SHC3: variants seen among roughly 807,000 people sequenced by gnomAD.
SHC3 encodes the protein SHC adaptor protein 3, also known as SHC-transforming protein 3.
Under a neutral mutation model 60.4 loss-of-function variants are expected in SHC3, and 15 were observed. That is an observed-to-expected ratio of 0.25 (90% confidence interval 0.17 to 0.38). The LOEUF (loss-of-function observed/expected upper bound fraction) is 0.38, where lower values mean the gene tolerates loss of function less well. Among genes scored for constraint, SHC3 ranks in the 10% least tolerant of loss-of-function variants. The probability of loss-of-function intolerance (pLI) is 1.00; values close to 1 mark genes in which losing one functional copy is unlikely to be tolerated. For synonymous variants in SHC3, 294 were observed against 325.9 expected (o/e 0.90, Z 1.05); for missense variants, 677 against 786.1 (o/e 0.86, Z 1.66).
At chr9:89,091,197 A>G (rs1825616231) in intron 2 of SHC3, among the ~76,000 whole-genome samples, 1 of 152,258 alleles carries the variant, frequency 6.6e-6, no homozygotes, top group South Asian at 2.1e-4. Context: ...AATTTCAAAA[A>G]TTGTGAAGAA....
Position 89,050,846 on chromosome 9 carries a change from G to A in SHC3, c.962+1191C>T, listed in dbSNP as rs575130933. Among the ~76,000 whole-genome samples, 10 of 151,484 alleles carry A rather than the reference G, an allele frequency of 6.6e-5. No individual in the cohort carries two copies. In the South Asian group the frequency reaches 2.1e-3, roughly 32 times the overall value. On this transcript the variant is annotated intron_variant, in intron 7 of 11. Coordinates refer to ENST00000375835, the MANE Select transcript of SHC3 (RefSeq NM_016848.6). ...TACATTTGGGTTGCTGTCACTGTCT[G>A]CCTCTAACTCTTCTATACACATCCT...
intron 2 of SHC3, among the ~76,000 whole-genome samples, chr9:89,099,289 A>G (rs1825749557): frequency 6.6e-6 from 1 of 152,200 alleles, no homozygotes; most frequent in South Asian, 2.1e-4. Flanking sequence ...TTTTTATTCT[A>G]TATCACTCTT....
intron 1 of SHC3, among the ~76,000 whole-genome samples, chr9:89,147,058 G>A (rs557944375): frequency 1.3e-4 from 20 of 151,898 alleles, no homozygotes; most frequent in Non-Finnish European, 2.4e-4. Context: ...CATCAACAGC[G>A]TAATGAATGA....
chr9:89,091,881 C>A (rs1393486925), intron 2 of SHC3, among the ~76,000 whole-genome samples: 1 of 151,922 alleles, frequency 6.6e-6, no homozygotes, highest in Non-Finnish European at 1.5e-5. Context: ...CCAGCACATA[C>A]AAAATATGCA....
At chr9:89,126,340 G>A (rs1003508259) in intron 1 of SHC3, among the ~76,000 whole-genome samples, 1 of 152,216 alleles carries the variant, frequency 6.6e-6, no homozygotes, top group Non-Finnish European at 1.5e-5. Context: ...AACATTTAGT[G>A]GGTTAGAGGC....
Position 89,073,627 on chromosome 9 carries a change from G to A in SHC3, c.729+1482C>T, listed in dbSNP as rs983883939. On this transcript the variant is annotated intron_variant, in intron 4 of 11. Coordinates refer to ENST00000375835, the MANE Select transcript of SHC3 (RefSeq NM_016848.6). ...CAGAACCTGCCACTTTGCCCCATCCGCCCAAACCAAGGGCAGGAAAACATG... is the reference window on the plus strand; with the variant it reads ...CAGAACCTGCCACTTTGCCCCATCCACCCAAACCAAGGGCAGGAAAACATG... 7.2e-5 allele frequency among the ~76,000 whole-genome samples: 11 copies of A among 152,232 alleles called. No homozygotes were observed. The South Asian group carries it at 1.2e-3, about 17-fold the overall frequency.
intron 2 of SHC3, among the ~76,000 whole-genome samples, chr9:89,107,767 T>C (rs997967918): frequency 1.1e-4 from 16 of 152,186 alleles, no homozygotes; most frequent in Non-Finnish European, 2.1e-4. Context: ...ACATGACTGC[T>C]CTCTGTTCTA....
intron 5 of SHC3, among the ~76,000 whole-genome samples, chr9:89,067,778 G>A (rs1825207459): frequency 6.6e-6 from 1 of 152,158 alleles, no homozygotes; most frequent in African/African-American, 2.4e-5. Context: ...TCATAGCAAA[G>A]TAATATTACA....
At chr9:89,046,692 A>G in intron 8 of SHC3, 152 bp downstream of exon 8, 3 of 904,802 alleles carry the variant, frequency 3.3e-6, no homozygotes, top group Non-Finnish European at 4.7e-6. Flanking sequence ...CTTCATCTGC[A>G]TGCCTCATGA....
chr9:89,025,512 C>T (rs192909547), intron 11 of SHC3, among the ~76,000 whole-genome samples: 2 of 152,334 alleles, frequency 1.3e-5, no homozygotes, highest in Non-Finnish European at 1.5e-5. Flanking sequence ...AATTTGAAGC[C>T]TCCCAACCAT....
At chr9:89,133,452 A>T (rs1826277810) in intron 1 of SHC3, among the ~76,000 whole-genome samples, 1 of 152,234 alleles carries the variant, frequency 6.6e-6, no homozygotes, top group African/African-American at 2.4e-5. Context: ...CTATAAAGAC[A>T]TATGCACACG....
intron 6 of SHC3, among the ~76,000 whole-genome samples, chr9:89,063,162 G>A (rs575746306): frequency 2.6e-5 from 4 of 152,040 alleles, no homozygotes; most frequent in Admixed American, 6.5e-5. Flanking sequence ...ACGGAGTCTC[G>A]CTCTGTCGCC....
intron 7 of SHC3, among the ~76,000 whole-genome samples, chr9:89,050,514 G>A (rs890384436): frequency 6.6e-6 from 1 of 152,190 alleles, no homozygotes; most frequent in African/African-American, 2.4e-5. Context: ...TTGAACTCCT[G>A]ACCTCAGGTG....
chr9:89,071,596 C>G (rs192501820), intron 4 of SHC3, among the ~76,000 whole-genome samples: 1 of 152,140 alleles, frequency 6.6e-6, no homozygotes, highest in Non-Finnish European at 1.5e-5. Context: ...CGATCTAACA[C>G]GGGGGCGTAT....
intron 1 of SHC3, among the ~76,000 whole-genome samples, chr9:89,114,165 T>C (rs1190310623): frequency 6.6e-6 from 1 of 152,164 alleles, no homozygotes; most frequent in Non-Finnish European, 1.5e-5. Flanking sequence ...CACCATGCTG[T>C]TCCAGAATTA....
At chr9:89,041,892 A>G in intron 10 of SHC3, 134 bp downstream of exon 10, 1 of 1,140,092 alleles carries the variant, frequency 8.8e-7, no homozygotes. Context: ...ATCACCCAGA[A>G]AAGTACAGCT....
intron 4 of SHC3, among the ~76,000 whole-genome samples, chr9:89,073,976 T>C (rs1825314751): frequency 6.6e-6 from 1 of 152,158 alleles, no homozygotes; most frequent in African/African-American, 2.4e-5. Flanking sequence ...ACTAGTCCCT[T>C]AGACAAGTTA....
intron 11 of SHC3, among the ~76,000 whole-genome samples, chr9:89,014,349 C>G (rs1826060786): frequency 6.6e-6 from 1 of 152,186 alleles, no homozygotes; most frequent in Non-Finnish European, 1.5e-5. Flanking sequence ...AGATATCACT[C>G]ACACTTGAAA....
chr9:89,104,382 G>A (rs905320793), intron 2 of SHC3, among the ~76,000 whole-genome samples: 3 of 152,144 alleles, frequency 2.0e-5, no homozygotes, highest in Non-Finnish European at 1.5e-5. Flanking sequence ...CTGTGGGGTC[G>A]GCTCAGCAAT....
Sources: gnomAD v4.1 joint callset for allele counts (sites outside exome capture counted in the v4.1 genomes callset) on GRCh38, gnomAD v4.1.1 for gene constraint, MANE v1.5 for transcripts, NCBI Gene and HGNC (gene_info 2026-07-23, HGNC 2026-07-21) for gene names.